PGBD5: variants seen among roughly 807,000 people sequenced by gnomAD.
PGBD5 encodes piggyBac transposable element-derived protein 5.
In PGBD5, 14 loss-of-function variants were observed where a neutral mutation model predicts 47.9. That is an observed-to-expected ratio of 0.29 (90% confidence interval 0.19 to 0.46). The LOEUF (loss-of-function observed/expected upper bound fraction) is 0.46, where lower values mean the gene tolerates loss of function less well. Among genes scored for constraint, PGBD5 ranks in the 20% least tolerant of loss-of-function variants. The pLI is 1.00. For missense variants in PGBD5, 635 were observed against 716.0 expected, an observed-to-expected ratio of 0.89 and a Z score of 1.29; for synonymous variants, 316 against 306.3, an observed-to-expected ratio of 1.03 and a Z score of -0.33.
chr1:230,422,610 C>T (rs985007288), intron 1 of PGBD5, among the ~76,000 whole-genome samples: 5 of 152,146 alleles, frequency 3.3e-5, no homozygotes, highest in African/African-American at 7.2e-5. Flanking sequence ...GGAATCCACA[C>T]CTCAATGCAC....
In PGBD5 at chr1:230,321,618, T is replaced by C. The variant is rs1003679583; in HGVS notation, c.*1807A>G. 4 of 152,390 alleles carry C rather than the reference T, an allele frequency of 2.6e-5. No homozygotes were observed. The highest frequency in any genetic ancestry group is 5.9e-5 in the Non-Finnish European group (4 of 68,048). 9.4% of individuals were successfully genotyped at this position (152,390 alleles called of 1,614,324 possible). A position where few individuals can be genotyped will look rare whatever the true frequency, so the allele number is the denominator to read the frequency against. ...CGCACCCCGCCTGTTCCCTGACCTTTTAAACGAATTCACGTATTAACGGAG... is the reference window on the plus strand; with the variant it reads ...CGCACCCCGCCTGTTCCCTGACCTTCTAAACGAATTCACGTATTAACGGAG... On this transcript the variant is annotated 3_prime_UTR_variant, in exon 7 of 7. Transcript: ENST00000391860.
intron 1 of PGBD5, among the ~76,000 whole-genome samples, chr1:230,422,281 A>C: frequency 6.6e-6 from 1 of 152,150 alleles, no homozygotes; most frequent in East Asian, 1.9e-4. Context: ...GCCTCCTCCG[A>C]GAAACGAATC....
intron 1 of PGBD5, among the ~76,000 whole-genome samples, chr1:230,385,009 G>A (rs1028071392): frequency 2.6e-5 from 4 of 152,170 alleles, no homozygotes; most frequent in Non-Finnish European, 5.9e-5. Context: ...TGCTTTCAGC[G>A]AAGGTGACAG....
chr1:230,333,200 G>T (rs573899824), intron 4 of PGBD5, among the ~76,000 whole-genome samples, 159 bp from the exon 5 acceptor site: 2 of 152,134 alleles, frequency 1.3e-5, no homozygotes, highest in African/African-American at 4.8e-5. Flanking sequence ...AGAGACTGCT[G>T]AAGTTTTGAG....
At chr1:230,369,507 C>A (rs1384071148) in intron 1 of PGBD5, among the ~76,000 whole-genome samples, 1 of 152,212 alleles carries the variant, frequency 6.6e-6, no homozygotes, top group Non-Finnish European at 1.5e-5. Context: ...CAATCCATTA[C>A]CTGCTTTAAC....
intron 3 of PGBD5, among the ~76,000 whole-genome samples, chr1:230,347,207 C>T (rs753289062): frequency 1.2e-4 from 19 of 152,052 alleles, no homozygotes; most frequent in Non-Finnish European, 2.4e-4. Context: ...CCTGTAGTAG[C>T]CAGGATTCTC....
intron 3 of PGBD5, among the ~76,000 whole-genome samples, chr1:230,341,724 C>T (rs1667409647): frequency 6.6e-6 from 1 of 152,136 alleles, no homozygotes; most frequent in Non-Finnish European, 1.5e-5. Flanking sequence ...ATGGTTCCAC[C>T]AACGTGTGTA....
chr1:230,418,757 G>A (rs1657580256), intron 1 of PGBD5, among the ~76,000 whole-genome samples: 1 of 152,182 alleles, frequency 6.6e-6, no homozygotes, highest in Non-Finnish European at 1.5e-5. Flanking sequence ...CCAAGTGGCT[G>A]AGATTACAGG....
At chr1:230,349,989 G>A (rs1353863702) in intron 3 of PGBD5, among the ~76,000 whole-genome samples, 4 of 151,030 alleles carry the variant, frequency 2.6e-5, no homozygotes, top group Non-Finnish European at 4.4e-5. Context: ...CGGAGCAAGC[G>A]CACTTTCCCC....
chr1:230,332,996 G>C lies in PGBD5; in HGVS notation c.1121C>G (p.Thr374Ser). Residue 374 changes from threonine to serine, a missense_variant, in exon 5 of 7, where the codon ACC becomes AGC. Coordinates refer to ENST00000391860, the MANE Select transcript of PGBD5 (RefSeq NM_001258311.2). Reference sequence around the variant, plus strand: ...GGTCAGCATGGACAGTGGGAGGCCGGTGCAGTCACTCTTCCGCGCGCGGAG... The same window carrying C: ...GGTCAGCATGGACAGTGGGAGGCCGCTGCAGTCACTCTTCCGCGCGCGGAG... Reference protein sequence around the residue: ...GLLRARKSDCTGLPLSMLTNP... With the variant: ...GLLRARKSDCSGLPLSMLTNP... 6.2e-7 allele frequency: 1 copy of C among 1,612,860 alleles called. No individual in the cohort carries two copies.
At chr1:230,329,115 T>A (rs1294187003) in intron 5 of PGBD5, among the ~76,000 whole-genome samples, 1 of 70,144 alleles carries the variant, frequency 1.4e-5, no homozygotes, top group Non-Finnish European at 4.1e-5. Flanking sequence ...CCCAGCTAAT[T>A]TTTTTTTGGG....
Position 230,425,108 on chromosome 1 carries a change from G to A in PGBD5, c.331+490C>T, listed in dbSNP as rs970025839. ...AAGCCAAGTCAAGACGCCGCGGGTG[G>A]CCTCTCTCTCAACTCTCACTGGGCC... On this transcript the variant is annotated intron_variant, in intron 1 of 6. Coordinates refer to ENST00000391860, the MANE Select transcript of PGBD5 (RefSeq NM_001258311.2). This position sits in a 1 kb window ranked among gnomAD's most constrained non-coding sequence, Gnocchi z 4.7. 6.6e-6 allele frequency among the ~76,000 whole-genome samples: 1 copy of A among 152,058 alleles called. No individual in the cohort carries two copies. The highest frequency in any genetic ancestry group is 1.5e-5 in the Non-Finnish European group (1 of 68,024).
chr1:230,362,347 G>A (rs1571840711), intron 1 of PGBD5: 2 of 1,367,156 alleles, frequency 1.5e-6, no homozygotes, highest in African/African-American at 1.5e-5. Context: ...CCGAGGCGTC[G>A]ACTCCATCCA....
intron 3 of PGBD5, among the ~76,000 whole-genome samples, chr1:230,337,556 T>G (rs1333377335): frequency 1.3e-5 from 2 of 152,174 alleles, no homozygotes; most frequent in African/African-American, 4.8e-5. Context: ...GGTAATGGGA[T>G]GGTGCAAATA....
At chr1:230,328,592 T>A (rs1029960602) in intron 5 of PGBD5, among the ~76,000 whole-genome samples, 7 of 152,232 alleles carry the variant, frequency 4.6e-5, no homozygotes, top group Non-Finnish European at 8.8e-5. Flanking sequence ...CAGAGCTATA[T>A]GGATCTGCAC....
chr1:230,384,761 G>A (rs1656594185), intron 1 of PGBD5, among the ~76,000 whole-genome samples: 3 of 152,182 alleles, frequency 2.0e-5, no homozygotes, highest in African/African-American at 7.2e-5. Context: ...GGCATTGTGT[G>A]TGTTAAATTC....
At position 230,316,085 on chromosome 1, in the gene PGBD5, TATAC is replaced by T. The variant is rs200408063; in HGVS notation, c.*7336_*7339del. ...ATGTGTATACATACATGTTTATGTG[TATAC>T]ATACATATGTTTATGTGTACACATA... On this transcript the variant is annotated 3_prime_UTR_variant, in exon 7 of 7. Transcript: ENST00000391860. 0.022 allele frequency: 2,094 copies of T among 94,748 alleles called. 270 individuals are homozygous for T. The highest frequency in any genetic ancestry group is 0.14 in the East Asian group (196 of 1,352). The allele number at this position is 94,748 out of a possible 1,614,324, so 5.9% of individuals were successfully genotyped here.
intron 1 of PGBD5, among the ~76,000 whole-genome samples, chr1:230,384,987 C>T (rs537124712): frequency 6.6e-6 from 1 of 152,138 alleles, no homozygotes; most frequent in Non-Finnish European, 1.5e-5. Flanking sequence ...TTTTAATCAT[C>T]GAACTCAACT....
chr1:230,375,866 GAGC>G, intron 1 of PGBD5, among the ~76,000 whole-genome samples: 1 of 151,912 alleles, frequency 6.6e-6, no homozygotes, highest in East Asian at 1.9e-4. Context: ...ACACCAGCTA[GAGC>G]AGCTGAGAGT....
Sources: gnomAD v4.1 joint callset for allele counts (sites outside exome capture counted in the v4.1 genomes callset) on GRCh38, gnomAD v4.1.1 for gene constraint, Gnocchi (gnomAD v3.1) non-coding constraint, MANE v1.5 for transcripts, NCBI Gene and HGNC (gene_info 2026-07-23, HGNC 2026-07-21) for gene names.